Variants in EML6 observed in about 807,000 individuals in gnomAD.
The protein encoded by EML6 is EMAP like 6.
A neutral mutation model predicts 240.1 loss-of-function variants in EML6; 154 were observed. The observed-to-expected ratio is 0.64, with a 90% CI of 0.56 to 0.73. The LOEUF (loss-of-function observed/expected upper bound fraction) is 0.73. EML6 is among the 30% of genes least tolerant of loss of function. The pLI is 0.00. For missense variants in EML6, 2,964 were observed against 2,474.6 expected, an observed-to-expected ratio of 1.20 and a Z score of -4.20; for synonymous variants, 1,148 against 899.0, an observed-to-expected ratio of 1.28 and a Z score of -4.95.
intron 32 of EML6, among the ~76,000 whole-genome samples, chr2:54,956,698 C>G (rs1676250535): frequency 6.6e-6 from 1 of 151,992 alleles, no homozygotes; most frequent in Admixed American, 6.6e-5. Context: ...ACAGGCCCAG[C>G]TACATCAAAA....
chr2:54,858,907 G>T lies in EML6; in HGVS notation c.1658-627G>T, dbSNP rs188987258. Among the ~76,000 whole-genome samples, 135 of 152,292 alleles carry T rather than the reference G, an allele frequency of 8.9e-4. 1 individual carries two copies. Among genetic ancestry groups the T allele is most frequent in the African/African-American group, 2.8e-3 (118 of 41,566 alleles). On this transcript the variant is annotated intron_variant, in intron 11 of 41. Transcript: ENST00000356458. Reference sequence around the variant, plus strand: ...CCTGAAATCTACCATGGACTTTGGGGTTCTAGGCCTCCATGTAAGATGGAC... The same window carrying T: ...CCTGAAATCTACCATGGACTTTGGGTTTCTAGGCCTCCATGTAAGATGGAC...
At chr2:54,892,063 C>A (rs995748285) in intron 18 of EML6, among the ~76,000 whole-genome samples, 2 of 150,130 alleles carry the variant, frequency 1.3e-5, no homozygotes, top group Admixed American at 1.3e-4. Context: ...ACTTTGCTTG[C>A]TCCTTCAGGC....
intron 18 of EML6, among the ~76,000 whole-genome samples, chr2:54,891,460 A>G (rs1489053368): frequency 2.0e-5 from 3 of 152,202 alleles, no homozygotes; most frequent in Non-Finnish European, 4.4e-5. Context: ...AGGAAATAAA[A>G]TAATCATTTT....
At chr2:54,967,842 G>A (rs757336150) in intron 39 of EML6, among the ~76,000 whole-genome samples, 51 of 152,092 alleles carry the variant, frequency 3.4e-4, no homozygotes, top group Non-Finnish European at 6.5e-4. Flanking sequence ...TAGATCCCTC[G>A]CATGCTTAGT....
intron 2 of EML6, among the ~76,000 whole-genome samples, chr2:54,807,547 A>G (rs960169660): frequency 1.1e-4 from 16 of 152,180 alleles, no homozygotes; most frequent in Middle Eastern, 3.2e-3. Flanking sequence ...TATACCCACT[A>G]TGGCTGACTT....
In EML6 at chr2:54,956,402, G is replaced by A. The variant is rs200600879; in HGVS notation, c.4487-1388G>A. ...TCCTTTTACTACTTGGAGTGGGAGG[G>A]TTGTCTTTTACTTATAATTTGTAGT... On this transcript the variant is annotated intron_variant, in intron 32 of 41. Coordinates refer to ENST00000356458, the MANE Select transcript of EML6 (RefSeq NM_001039753.4). Among the ~76,000 whole-genome samples, 12 of 151,492 alleles carry A rather than the reference G, an allele frequency of 7.9e-5. No individual in the cohort carries two copies. The East Asian group carries it at 2.3e-3, about 30-fold the overall frequency.
intron 7 of EML6, among the ~76,000 whole-genome samples, chr2:54,838,198 A>G (rs780798686): frequency 6.6e-6 from 1 of 152,234 alleles, no homozygotes; most frequent in African/African-American, 2.4e-5. Context: ...GCCACCTTAC[A>G]GGGCTCGGAT....
At chr2:54,753,060 AC>A (rs1357767115) in intron 2 of EML6, among the ~76,000 whole-genome samples, 1 of 152,198 alleles carries the variant, frequency 6.6e-6, no homozygotes, top group East Asian at 1.9e-4. Flanking sequence ...GTCTTTTGAC[AC>A]CTGGATCATA....
chr2:54,801,991 A>C (rs544947678), intron 2 of EML6, among the ~76,000 whole-genome samples: 68 of 152,290 alleles, frequency 4.5e-4, no homozygotes, highest in African/African-American at 1.5e-3. Context: ...TGTGTTGTTG[A>C]ATGTGTTCTT....
chr2:54,880,757 C>T (rs1357961343), intron 17 of EML6: 2 of 152,076 alleles, frequency 1.3e-5, no homozygotes, highest in Non-Finnish European at 2.9e-5. Flanking sequence ...GAACTCTGTT[C>T]CCCCCAGACT....
Position 54,960,315 on chromosome 2 carries a change from G to T in EML6, c.4949G>T (p.Arg1650Leu). 1 of 1,550,022 alleles carries T rather than the reference G, an allele frequency of 6.5e-7. No homozygotes were observed. The change falls in exon 35 of 42, where the codon CGC becomes CTC. Residue 1650 changes from arginine to leucine, a missense_variant. By Grantham distance (102) the Arg-to-Leu change is moderately radical (BLOSUM62 -2). Coordinates refer to ENST00000356458, the MANE Select transcript of EML6 (RefSeq NM_001039753.4). ...ACCGGGCAGCTGGTGGAGTGTGTGC[G>T]CTCCGTGTGCCGTGGAAAAGTGAGC... Reference protein sequence around the residue: ...LETGQLVECVRSVCRGKGKIL... With the variant: ...LETGQLVECVLSVCRGKGKIL...
At chr2:54,824,299 T>G (rs940094000) in intron 5 of EML6, among the ~76,000 whole-genome samples, 1 of 152,192 alleles carries the variant, frequency 6.6e-6, no homozygotes, top group Non-Finnish European at 1.5e-5. Context: ...TTAGCAGACT[T>G]GGACATTTTT....
rs60937620 is a variant in EML6 at position 54,823,878 on chromosome 2, T to TCTCTCTCTCTCTCTCTCTCTCTCTCTCTC, written c.525+3416_525+3417insCTCTCTCTCTCTCTCTCTCTCTCTCTCTC. ...TCTCTCTCTCTCTCTCTCTCTCTCT[T>TCTCTCTCTCTCTCTCTCTCTCTCTCTCTC]TCTGTCTCTCTCTCTCTCTCTCAGA... On this transcript the variant is annotated intron_variant, in intron 5 of 41. Transcript: ENST00000356458. Among the ~76,000 whole-genome samples the TCTCTCTCTCTCTCTCTCTCTCTCTCTCTC allele has an allele frequency of 5.3e-3, 683 of 129,146 alleles. 54 individuals carry two copies. The highest frequency in any genetic ancestry group is 0.011 in the Admixed American group (142 of 12,836). 84.7% of individuals were successfully genotyped at this position (129,146 alleles called of 152,430 possible).
At chr2:54,832,262 G>A (rs1209863062) in intron 7 of EML6, among the ~76,000 whole-genome samples, 3 of 152,246 alleles carry the variant, frequency 2.0e-5, no homozygotes, top group Non-Finnish European at 2.9e-5. Flanking sequence ...ACAGGGTCAT[G>A]TGGGGAAACT....
At chr2:54,842,008 C>T (rs1669485791) in intron 7 of EML6, among the ~76,000 whole-genome samples, 1 of 152,160 alleles carries the variant, frequency 6.6e-6, no homozygotes, top group Admixed American at 6.5e-5. Flanking sequence ...ACATAGCTTC[C>T]CTCACTATCA....
intron 4 of EML6, 107 bp from the exon 5 acceptor site, chr2:54,820,287 C>T: frequency 2.9e-6 from 2 of 679,134 alleles, no homozygotes; most frequent in Non-Finnish European, 2.6e-6. Flanking sequence ...GTGCAGGTAA[C>T]ATTGTGTTCT....
chr2:54,774,403 AG>A lies in EML6; in HGVS notation c.198-38826del, dbSNP rs1668515074. 6.6e-6 allele frequency among the ~76,000 whole-genome samples: 1 copy of A among 152,112 alleles called. No homozygotes were observed. The highest frequency in any genetic ancestry group is 1.5e-5 in the Non-Finnish European group (1 of 68,000). On this transcript the variant is annotated intron_variant, in intron 2 of 41. Coordinates refer to ENST00000356458, the MANE Select transcript of EML6 (RefSeq NM_001039753.4). This position sits in a 1 kb window ranked among gnomAD's most constrained non-coding sequence, Gnocchi z 4.1. ...ATGGGAAGAAGGGTGACTGTGGGTG[AG>A]GGAGCCGTTGGAAGTTGAGGTGATC...
At chr2:54,917,168 C>G (rs1673961502) in intron 26 of EML6, among the ~76,000 whole-genome samples, 1 of 152,192 alleles carries the variant, frequency 6.6e-6, no homozygotes, top group Admixed American at 6.5e-5. Context: ...AATCCAACAT[C>G]TCACAAACTG....
chr2:54,865,312 C>T (rs531191376), intron 13 of EML6, among the ~76,000 whole-genome samples: 2 of 87,798 alleles, frequency 2.3e-5, no homozygotes, highest in South Asian at 8.7e-4. Flanking sequence ...AACACAGTCT[C>T]TGTATCTACA....
Sources: gnomAD v4.1 joint callset for allele counts (sites outside exome capture counted in the v4.1 genomes callset) on GRCh38, gnomAD v4.1.1 for gene constraint, Gnocchi (gnomAD v3.1) non-coding constraint, MANE v1.5 for transcripts, NCBI Gene and HGNC (gene_info 2026-07-23, HGNC 2026-07-21) for gene names.